DIS3L2: variants seen among roughly 807,000 people sequenced by gnomAD.
The protein encoded by DIS3L2 is DIS3-like exonuclease 2.
DIS3L2 carries 34 observed loss-of-function variants against 97.5 expected under a neutral mutation model. That is an observed-to-expected ratio of 0.35 (90% CI 0.27 to 0.46). DIS3L2 has a LOEUF of 0.46. DIS3L2 is among the 20% of genes least tolerant of loss of function. DIS3L2 has a pLI of 1.00. For missense variants in DIS3L2, 1,038 were observed against 1,146.0 expected, an observed-to-expected ratio of 0.91 and a Z score of 1.36; for synonymous variants, 435 against 445.2, an observed-to-expected ratio of 0.98 and a Z score of 0.29.
chr2:232,309,273 C>T (rs1347306973), intron 14 of DIS3L2, among the ~76,000 whole-genome samples: 1 of 152,196 alleles, frequency 6.6e-6, no homozygotes, highest in Non-Finnish European at 1.5e-5. Context: ...TGCCTGTTTC[C>T]TCAGAACCAC....
chr2:232,221,524 C>G (rs964214713), intron 10 of DIS3L2, among the ~76,000 whole-genome samples: 1 of 152,330 alleles, frequency 6.6e-6, no homozygotes, highest in East Asian at 1.9e-4. Context: ...AAAATTCCAG[C>G]TGGGCACAGT....
At chr2:232,223,965 A>G (rs1473473167) in intron 10 of DIS3L2, among the ~76,000 whole-genome samples, 1 of 152,108 alleles carries the variant, frequency 6.6e-6, no homozygotes, top group Non-Finnish European at 1.5e-5. Context: ...GTGCACGTCT[A>G]TAGTCCTAGT....
chr2:231,969,702 T>C (rs1692837794), intron 1 of DIS3L2, among the ~76,000 whole-genome samples: 1 of 152,188 alleles, frequency 6.6e-6, no homozygotes, highest in Admixed American at 6.5e-5. Context: ...TCCAGGCTTT[T>C]ATTTCTTTTT....
chr2:232,012,727 TA>T (rs1694241781), intron 1 of DIS3L2, among the ~76,000 whole-genome samples: 1 of 152,156 alleles, frequency 6.6e-6, no homozygotes, highest in Admixed American at 6.5e-5. Flanking sequence ...AAAGTTGCCC[TA>T]ACCCAGATTT....
chr2:232,058,418 CTGGG>C (rs1695606526), intron 5 of DIS3L2, among the ~76,000 whole-genome samples: 1 of 152,150 alleles, frequency 6.6e-6, no homozygotes, highest in African/African-American at 2.4e-5. Flanking sequence ...GTAGTTTGAT[CTGGG>C]TGGAGGGTAC....
chr2:232,163,505 A>G lies in DIS3L2; in HGVS notation c.997A>G (p.Thr333Ala), dbSNP rs747967538. 1.2e-6 allele frequency: 2 copies of G among 1,614,160 alleles called. No individual in the cohort carries two copies. The highest frequency in any genetic ancestry group is 2.2e-5 in the East Asian group (1 of 44,878). ...LGQAGEIEPETEGILTEYGVD... is the reference protein window; with the variant it reads ...LGQAGEIEPEAEGILTEYGVD... ...GCAGGCTGGTGAAATTGAGCCTGAAACAGAAGGAATACTAACAGAGTATGG... is the reference window on the plus strand; with the variant it reads ...GCAGGCTGGTGAAATTGAGCCTGAAGCAGAAGGAATACTAACAGAGTATGG... Residue 333 changes from threonine to alanine, a missense_variant, in exon 9 of 21, where the codon ACA becomes GCA. This residue lies in a region of DIS3L2 where 813 missense variants were observed against 880.1 expected (regional missense o/e 0.92). Transcript: ENST00000325385.
At chr2:232,158,159 A>G (rs551188262) in intron 8 of DIS3L2, among the ~76,000 whole-genome samples, 2 of 152,314 alleles carry the variant, frequency 1.3e-5, no homozygotes, top group South Asian at 4.1e-4. Flanking sequence ...GCCCACTGGG[A>G]GAAAGTTTCT....
At chr2:232,338,541 T>G (rs1279311793), downstream of DIS3L2, among the ~76,000 whole-genome samples, 3 of 145,218 alleles carry the variant, frequency 2.1e-5, no homozygotes, top group East Asian at 6.8e-4. Flanking sequence ...GTGGAAACCG[T>G]ATCCACGAGG....
chr2:232,014,627 A>G (rs1362319208), intron 1 of DIS3L2, among the ~76,000 whole-genome samples: 1 of 152,172 alleles, frequency 6.6e-6, no homozygotes, highest in Admixed American at 6.5e-5. Flanking sequence ...TGGCCCAAAG[A>G]AGCAGTCTAG....
chr2:232,205,758 G>A (rs535626633), intron 9 of DIS3L2, among the ~76,000 whole-genome samples: 10 of 152,168 alleles, frequency 6.6e-5, no homozygotes, highest in African/African-American at 2.4e-4. Flanking sequence ...AGCAGCCAAA[G>A]CAAAAAGGAA....
chr2:232,000,719 C>T (rs1471746566), intron 1 of DIS3L2, among the ~76,000 whole-genome samples: 2 of 109,446 alleles, frequency 1.8e-5, no homozygotes, highest in African/African-American at 3.4e-5. Flanking sequence ...TTTCTTTCTT[C>T]TTCTTCTTTT....
chr2:232,102,178 G>A (rs1442327003), intron 6 of DIS3L2, among the ~76,000 whole-genome samples: 3 of 152,202 alleles, frequency 2.0e-5, no homozygotes, highest in South Asian at 2.1e-4. Flanking sequence ...CTAACTTCCA[G>A]TCTACTGGAA....
intron 1 of DIS3L2, among the ~76,000 whole-genome samples, chr2:231,980,744 A>G (rs565230110): frequency 6.6e-6 from 1 of 152,262 alleles, no homozygotes; most frequent in South Asian, 2.1e-4. Context: ...TTCTATTAAA[A>G]GGTCATGATT....
intron 1 of DIS3L2, among the ~76,000 whole-genome samples, chr2:232,010,720 A>G (rs556897613): frequency 1.3e-5 from 2 of 152,176 alleles, no homozygotes; most frequent in Non-Finnish European, 2.9e-5. Context: ...GAGATGCATA[A>G]GGCACAAAAA....
Position 232,175,859 on chromosome 2 carries a change from T to A in DIS3L2, c.1124+12227T>A, listed in dbSNP as rs187645026. Among the ~76,000 whole-genome samples the A allele has an allele frequency of 5.0e-3, 757 of 152,274 alleles. 3 individuals carry two copies. The highest frequency in any genetic ancestry group is 7.9e-3 in the African/African-American group (328 of 41,568). ...ATAGATCTATTGAACTTTTCCATTTTTAAGTCCTCTGCAGTTTATCTTCCT... is the reference window on the plus strand; with the variant it reads ...ATAGATCTATTGAACTTTTCCATTTATAAGTCCTCTGCAGTTTATCTTCCT... On this transcript the variant is annotated intron_variant, in intron 9 of 20. Coordinates refer to ENST00000325385, the MANE Select transcript of DIS3L2 (RefSeq NM_152383.5).
intron 10 of DIS3L2, among the ~76,000 whole-genome samples, chr2:232,220,064 G>T (rs184067028): frequency 6.6e-6 from 1 of 151,724 alleles, no homozygotes; most frequent in Non-Finnish European, 1.5e-5. Context: ...TTAACGCCAA[G>T]AGTTCAAAAC....
chr2:232,204,810 G>C (rs1691985991), intron 9 of DIS3L2, among the ~76,000 whole-genome samples: 1 of 152,170 alleles, frequency 6.6e-6, no homozygotes, highest in Non-Finnish European at 1.5e-5. Flanking sequence ...GGGCTCCCAA[G>C]TGCTGAGGCC....
chr2:231,997,412 C>T (rs967579327), intron 1 of DIS3L2, among the ~76,000 whole-genome samples: 1 of 152,202 alleles, frequency 6.6e-6, no homozygotes, highest in Non-Finnish European at 1.5e-5. Flanking sequence ...ACATAACTCT[C>T]ATTTGAGATC....
chr2:232,284,459 A>G (rs1224030521), intron 13 of DIS3L2, among the ~76,000 whole-genome samples: 3 of 152,198 alleles, frequency 2.0e-5, no homozygotes, highest in Non-Finnish European at 4.4e-5. Context: ...GATCAATGTT[A>G]TTATTTTATC....
Sources: gnomAD v4.1 joint callset for allele counts (sites outside exome capture counted in the v4.1 genomes callset) on GRCh38, gnomAD v4.1.1 for gene constraint, gnomAD v4.1.1 regional missense constraint, MANE v1.5 for transcripts, NCBI Gene and HGNC (gene_info 2026-07-23, HGNC 2026-07-21) for gene names.